The following CCDC14 variants were observed in gnomAD, a reference collection of about 807,000 sequenced individuals.
CCDC14 encodes the protein coiled-coil domain-containing protein 14.
Under a neutral mutation model 81.4 loss-of-function variants are expected in CCDC14, and 71 were observed. The observed-to-expected ratio is 0.87, with a 90% CI of 0.72 to 1.06. The LOEUF (loss-of-function observed/expected upper bound fraction) is 1.06. CCDC14 is among the 50% of genes least tolerant of loss of function. CCDC14 has a pLI of 0.00. For synonymous variants in CCDC14, 332 were observed against 364.8 expected, an observed-to-expected ratio of 0.91 and a Z score of 1.03; for missense variants, 1,046 against 1,047.3, an observed-to-expected ratio of 1.00 and a Z score of 0.02.
chr3:123,900,556 C>T (rs144191207), intron 5 of CCDC14, among the ~76,000 whole-genome samples: 73 of 152,262 alleles, frequency 4.8e-4, no homozygotes, highest in African/African-American at 1.8e-3. Flanking sequence ...CGAATTCCAG[C>T]GACTGGACGT....
At position 123,931,310 on chromosome 3, in the gene CCDC14, A is replaced by G; in HGVS notation, c.1643T>C (p.Ile548Thr). ...QYDIEITRIKIELEEALVNVK... is the reference protein window; with the variant it reads ...QYDIEITRIKTELEEALVNVK... ...ATAACTACTGTCTAAATACGTACCA[A>G]TTTTTATTCTTGTTATCTCAATATC... Residue 548 changes from isoleucine to threonine, a missense_variant and splice_region_variant, in exon 11 of 13, where the codon ATT becomes ACT. By Grantham distance (89) the Ile-to-Thr change is moderately conservative. Transcript: ENST00000409697. 1.3e-6 allele frequency: 2 copies of G among 1,543,984 alleles called. No homozygotes were observed. The highest frequency in any genetic ancestry group is 1.4e-5 in the African/African-American group (1 of 73,116).
At chr3:123,930,961 C>A in intron 12 of CCDC14, 141 bp downstream of exon 12, 1 of 699,274 alleles carries the variant, frequency 1.4e-6, no homozygotes. Flanking sequence ...CAGAAGAAAA[C>A]ATCATTAGAA....
chr3:123,919,974 C>G (rs1445307375), intron 12 of CCDC14, among the ~76,000 whole-genome samples: 1 of 151,964 alleles, frequency 6.6e-6, no homozygotes, highest in African/African-American at 2.4e-5. Context: ...TTAAAATGTT[C>G]AGGGAACTAC....
intron 9 of CCDC14, among the ~76,000 whole-genome samples, chr3:123,934,199 G>T (rs1263723635): frequency 6.7e-6 from 1 of 150,302 alleles, no homozygotes; most frequent in Non-Finnish European, 1.5e-5. Flanking sequence ...CTTGAACCTG[G>T]GAGGTGGAGG....
chr3:123,946,737 G>T, intron 8 of CCDC14, 66 bp downstream of exon 8: 1 of 1,403,870 alleles, frequency 7.1e-7, no homozygotes, highest in South Asian at 1.4e-5. Flanking sequence ...TTAAATGATA[G>T]CTAAATAACA....
chr3:123,927,728 T>C (rs1405092044), intron 12 of CCDC14, among the ~76,000 whole-genome samples: 2 of 152,124 alleles, frequency 1.3e-5, no homozygotes, highest in African/African-American at 4.8e-5. Context: ...CAGGGCCTTT[T>C]ATAAAGGCAA....
Position 123,914,899 on chromosome 3 carries a change from G to A in CCDC14, c.2598C>T (p.Ile866=), listed in dbSNP as rs763565226. Residue 866 remains isoleucine (I), a synonymous_variant, in exon 13 of 13, where the codon ATC becomes ATT. Coordinates refer to ENST00000409697, the MANE Select transcript of CCDC14 (RefSeq NM_001366335.1). ...GAGAAGTGAACGTTGAAAACGAAGA[G>A]ATGCTCCAGTCAGACATCAAGTCAG... The part of the protein sequence containing the change: ...FTSDLMSDWS[I]SSFSTFTSRD... 4 of 1,613,982 alleles carry A rather than the reference G, an allele frequency of 2.5e-6. No homozygotes were observed. The South Asian group carries it at 3.3e-5, about 13-fold the overall frequency.
rs1477972767 is a variant in CCDC14, at chr3:123,950,869, T to C, written c.353-1737A>G. 2.6e-5 allele frequency among the ~76,000 whole-genome samples: 4 copies of C among 152,068 alleles called. No homozygotes were observed. In the East Asian group the frequency reaches 7.7e-4, roughly 29 times the overall value. ...AGTTTATTGAAAATAAAAATATTAC[T>C]AAAAGTGTAAAACTTCCATGTAAAA... On this transcript the variant is annotated intron_variant, in intron 5 of 12. Coordinates refer to ENST00000409697, the MANE Select transcript of CCDC14 (RefSeq NM_001366335.1).
chr3:123,946,748 T>G, intron 8 of CCDC14, 55 bp downstream of exon 8: 3 of 1,447,300 alleles, frequency 2.1e-6, no homozygotes, highest in Non-Finnish European at 2.8e-6. Flanking sequence ...CTAAATAACA[T>G]GACATTGCTA....
intron 8 of CCDC14, among the ~76,000 whole-genome samples, chr3:123,946,132 AT>A (rs200227842): frequency 3.5e-3 from 510 of 144,946 alleles, no homozygotes; most frequent in Non-Finnish European, 3.6e-3. Context: ...GCATTTTAAG[AT>A]TTTTTTTTTT....
rs1181104103 is a variant in CCDC14, at chr3:123,949,136, A to C, written c.353-4T>G. 6.5e-7 allele frequency: 1 copy of C among 1,545,526 alleles called. No homozygotes were observed. The highest frequency in any genetic ancestry group is 1.9e-5 in the Admixed American group (1 of 52,958). On this transcript the variant is annotated splice_polypyrimidine_tract_variant and splice_region_variant and intron_variant, in intron 5 of 12. Transcript: ENST00000409697. ...TGTTTCTTATTATCTGAAGATGCTA[A>C]TGTGGAAGAAGAAAAAAGTTCTTGA...
At chr3:123,959,333 G>C (rs1003324400) in intron 1 of CCDC14, among the ~76,000 whole-genome samples, 1 of 152,094 alleles carries the variant, frequency 6.6e-6, no homozygotes, top group Non-Finnish European at 1.5e-5. Flanking sequence ...TCCTAACAGG[G>C]GTTAGGTGAT....
At chr3:123,922,900 G>A (rs926314790) in intron 12 of CCDC14, among the ~76,000 whole-genome samples, 8 of 152,062 alleles carry the variant, frequency 5.3e-5, no homozygotes, top group Non-Finnish European at 1.0e-4. Flanking sequence ...AAGGCCAAGT[G>A]TTCTTGTTGA....
chr3:123,945,930 T>G (rs182001311), intron 8 of CCDC14, among the ~76,000 whole-genome samples: 101 of 152,224 alleles, frequency 6.6e-4, no homozygotes, highest in African/African-American at 2.3e-3. Flanking sequence ...GAGGATTAAA[T>G]GAGATAATGC....
chr3:123,938,720 G>T (rs2036189993), intron 9 of CCDC14, among the ~76,000 whole-genome samples: 1 of 151,612 alleles, frequency 6.6e-6, no homozygotes, highest in Non-Finnish European at 1.5e-5. Context: ...TATCTAAGAA[G>T]AATTTTAAAA....
intron 9 of CCDC14, among the ~76,000 whole-genome samples, chr3:123,941,940 G>C (rs2036371958): frequency 6.6e-6 from 1 of 151,962 alleles, no homozygotes; most frequent in African/African-American, 2.4e-5. Context: ...CTCAGACTAA[G>C]TTTTGGTATC....
rs983171850 is a variant in CCDC14, at chr3:123,913,993, A to G, written c.*786T>C. The G allele has an allele frequency of 1.0e-6, 1 of 985,430 alleles. No individual in the cohort carries two copies. Among genetic ancestry groups the G allele is most frequent in the African/African-American group, 1.7e-5 (1 of 57,224 alleles). 61.0% of individuals were successfully genotyped at this position (985,430 alleles called of 1,614,324 possible). On this transcript the variant is annotated 3_prime_UTR_variant, in exon 13 of 13. Coordinates refer to ENST00000409697, the MANE Select transcript of CCDC14 (RefSeq NM_001366335.1). The stretch of plus-strand genomic sequence containing the variant: ...AAAATTCTTCCAAAAAGGCAGAATT[A>G]CAATCAATGCCAAGATTTACAAATT...
At chr3:123,894,163 C>T (rs1310940673), downstream of CCDC14, among the ~76,000 whole-genome samples, 2 of 152,150 alleles carry the variant, frequency 1.3e-5, no homozygotes, top group South Asian at 2.1e-4. Context: ...AGGTAAGGGT[C>T]CAACTTTATT....
At chr3:123,907,154 ATATTT>A (rs1438584514) in intron 5 of CCDC14, among the ~76,000 whole-genome samples, 1 of 152,204 alleles carries the variant, frequency 6.6e-6, no homozygotes. Context: ...TTTCCTAAAA[ATATTT>A]TAGTATAGAT....
Sources: allele counts gnomAD v4.1 joint callset (sites outside exome capture counted in the v4.1 genomes callset), GRCh38; gene constraint gnomAD v4.1.1; transcripts MANE v1.5; gene names NCBI Gene and HGNC (gene_info 2026-07-23, HGNC 2026-07-21).